Variants in NR6A1 observed in about 807,000 individuals in gnomAD.
NR6A1 encodes retinoic acid receptor-related testis-associated receptor.
Under a neutral mutation model 59.1 loss-of-function variants are expected in NR6A1, and 7 were observed. The observed-to-expected ratio is 0.12, with a 90% CI of 0.07 to 0.22. The LOEUF is 0.22. Among genes scored for constraint, NR6A1 ranks in the 10% least tolerant of loss-of-function variants. NR6A1 has a pLI of 1.00. For synonymous variants in NR6A1, 243 were observed against 236.1 expected, an observed-to-expected ratio of 1.03 and a Z score of -0.27; for missense variants, 468 against 611.6, an observed-to-expected ratio of 0.77 and a Z score of 2.48.
intron 2 of NR6A1, among the ~76,000 whole-genome samples, chr9:124,600,069 A>G (rs1835403876): frequency 6.6e-6 from 1 of 152,242 alleles, no homozygotes; most frequent in African/African-American, 2.4e-5. Flanking sequence ...GAACCTTTCA[A>G]TGAATGTCTG....
chr9:124,743,503 C>G (rs1052025274), intron 1 of NR6A1, among the ~76,000 whole-genome samples: 3 of 152,190 alleles, frequency 2.0e-5, no homozygotes, highest in African/African-American at 7.2e-5. Context: ...CATGTATTTG[C>G]TCAGCTTAAA....
intron 2 of NR6A1, among the ~76,000 whole-genome samples, chr9:124,566,732 C>T (rs1420006765): frequency 6.6e-6 from 1 of 152,138 alleles, no homozygotes; most frequent in Non-Finnish European, 1.5e-5. Flanking sequence ...TTCTAAACCA[C>T]GTGGCTGTGA....
At chr9:124,686,068 G>C (rs1838321135) in intron 2 of NR6A1, among the ~76,000 whole-genome samples, 1 of 152,174 alleles carries the variant, frequency 6.6e-6, no homozygotes, top group Non-Finnish European at 1.5e-5. Context: ...GTTATGAAAT[G>C]AATATGTCTA....
In NR6A1 at chr9:124,592,589, C is replaced by G. The variant is rs1835159874; in HGVS notation, c.143-38019G>C. 2.6e-5 allele frequency among the ~76,000 whole-genome samples: 4 copies of G among 152,120 alleles called. No individual in the cohort carries two copies. In the South Asian group the frequency reaches 8.3e-4, roughly 32 times the overall value. ...TGATGTGAGGCATCCAGATATTTTT[C>G]CTAGCCTCAAAATTGTCCAGATTAT... On this transcript the variant is annotated intron_variant, in intron 2 of 9. Coordinates refer to ENST00000487099, the MANE Select transcript of NR6A1 (RefSeq NM_033334.4).
intron 1 of NR6A1, among the ~76,000 whole-genome samples, chr9:124,743,362 T>C (rs78154395): frequency 0.022 from 3,385 of 152,346 alleles, 118 homozygotes; most frequent in African/African-American, 0.075. Flanking sequence ...AGCTATCTGG[T>C]AGAGCTTTAA....
chr9:124,689,867 C>A (rs1052627590), intron 2 of NR6A1, among the ~76,000 whole-genome samples: 1 of 152,168 alleles, frequency 6.6e-6, no homozygotes, highest in Non-Finnish European at 1.5e-5. Flanking sequence ...ATAGTTCACA[C>A]CAATCCACCA....
At chr9:124,700,514 C>A (rs1369266328) in intron 2 of NR6A1, among the ~76,000 whole-genome samples, 3 of 152,100 alleles carry the variant, frequency 2.0e-5, no homozygotes, top group African/African-American at 7.2e-5. Flanking sequence ...AGCCACCACG[C>A]CCAGTGAAGT....
chr9:124,556,072 G>A (rs1227285763), intron 2 of NR6A1, among the ~76,000 whole-genome samples: 2 of 152,164 alleles, frequency 1.3e-5, no homozygotes, highest in African/African-American at 4.8e-5. Context: ...ATAGTAAGCA[G>A]AATAACTGCG....
intron 2 of NR6A1, among the ~76,000 whole-genome samples, chr9:124,565,616 A>T (rs1834216624): frequency 6.6e-6 from 1 of 152,190 alleles, no homozygotes; most frequent in East Asian, 1.9e-4. Context: ...AAATACATAA[A>T]ACTCCTATAT....
At chr9:124,754,702 G>C (rs1463736595) in intron 1 of NR6A1, among the ~76,000 whole-genome samples, 1 of 152,112 alleles carries the variant, frequency 6.6e-6, no homozygotes, top group African/African-American at 2.4e-5. Context: ...TGGAATACTG[G>C]GTAAACTGAA....
intron 2 of NR6A1, among the ~76,000 whole-genome samples, chr9:124,675,741 T>C (rs928263551): frequency 6.6e-6 from 1 of 152,140 alleles, no homozygotes; most frequent in Non-Finnish European, 1.5e-5. Context: ...AATATGATGG[T>C]TAGCAACAGG....
At chr9:124,629,891 C>T (rs1564208605) in intron 2 of NR6A1, among the ~76,000 whole-genome samples, 1 of 152,102 alleles carries the variant, frequency 6.6e-6, no homozygotes, top group Non-Finnish European at 1.5e-5. Flanking sequence ...ATTTTTTCCT[C>T]CAAATTTTAG....
chr9:124,731,372 A>G (rs1839879916), intron 2 of NR6A1, among the ~76,000 whole-genome samples: 1 of 145,236 alleles, frequency 6.9e-6, no homozygotes, highest in Non-Finnish European at 1.5e-5. Flanking sequence ...TCCATCTCGA[A>G]AAAAAAAAAA....
chr9:124,593,282 C>A (rs1048337979), intron 2 of NR6A1, among the ~76,000 whole-genome samples: 1 of 152,148 alleles, frequency 6.6e-6, no homozygotes, highest in East Asian at 1.9e-4. Flanking sequence ...AGAGCCAATA[C>A]CAGCTGTTCG....
chr9:124,581,057 T>A (rs531586387), intron 2 of NR6A1, among the ~76,000 whole-genome samples: 1 of 152,052 alleles, frequency 6.6e-6, no homozygotes, highest in East Asian at 1.9e-4. Context: ...TGGCTAGCCA[T>A]ATGCAGAAAA....
In NR6A1 at chr9:124,745,943, G is replaced by A. The variant is rs577659533; in HGVS notation, c.101-12594C>T. 1.1e-3 allele frequency among the ~76,000 whole-genome samples: 155 copies of A among 145,302 alleles called. 1 individual carries two copies. The highest frequency in any genetic ancestry group is 3.6e-3 in the African/African-American group (140 of 38,690). On this transcript the variant is annotated intron_variant, in intron 1 of 9. Transcript: ENST00000487099. Reference sequence around the variant, plus strand: ...GCAGAGGTTGCAGTAAGCCAAGATCGCGCCACTGCACTCCAGCCTGGGCGA... The same window carrying A: ...GCAGAGGTTGCAGTAAGCCAAGATCACGCCACTGCACTCCAGCCTGGGCGA...
chr9:124,595,175 T>C (rs1835235216), intron 2 of NR6A1, among the ~76,000 whole-genome samples: 1 of 152,190 alleles, frequency 6.6e-6, no homozygotes, highest in Admixed American at 6.5e-5. Context: ...TGACTATTCA[T>C]TACATACACA....
At chr9:124,554,986 C>T (rs77849926) in intron 2 of NR6A1, among the ~76,000 whole-genome samples, 1,584 of 152,186 alleles carry the variant, frequency 0.01, 26 homozygotes, top group African/African-American at 0.036. Context: ...CTAACCATAC[C>T]GAGCTAAGCC....
chr9:124,770,769 C>T lies in NR6A1; in HGVS notation c.100+251G>A, dbSNP rs1483648897. 2.1e-5 allele frequency among the ~76,000 whole-genome samples: 3 copies of T among 145,002 alleles called. No homozygotes were observed. The East Asian group carries it at 6.3e-4, about 31-fold the overall frequency. ...GGAGGGGGAAATGAAGCTCGGTGCCCAGGGACCCGGGCAGGGGGAGGGTCC... is the reference window on the plus strand; with the variant it reads ...GGAGGGGGAAATGAAGCTCGGTGCCTAGGGACCCGGGCAGGGGGAGGGTCC... On this transcript the variant is annotated intron_variant, in intron 1 of 9. Transcript: ENST00000487099.
Sources: allele counts gnomAD v4.1 joint callset (sites outside exome capture counted in the v4.1 genomes callset), GRCh38; gene constraint gnomAD v4.1.1; transcripts MANE v1.5; gene names NCBI Gene and HGNC (gene_info 2026-07-23, HGNC 2026-07-21).